FRMD5: variants seen among roughly 807,000 people sequenced by gnomAD.
FRMD5 encodes the protein FERM domain containing 5.
In FRMD5, 20 loss-of-function variants were observed where a neutral mutation model predicts 69.0. That is an observed-to-expected ratio of 0.29 (90% CI 0.20 to 0.42). FRMD5 has a LOEUF of 0.42. FRMD5 is among the 10% of genes least tolerant of loss of function. The probability of loss-of-function intolerance (pLI) is 1.00; values close to 1 mark genes in which losing one functional copy is unlikely to be tolerated. For missense variants in FRMD5, 595 were observed against 708.6 expected (o/e 0.84, Z 1.82); for synonymous variants, 271 against 260.1 (o/e 1.04, Z -0.40).
rs548896184 is a variant in FRMD5 at position 44,093,823 on chromosome 15, C to T, written c.102+101130G>A. Among the ~76,000 whole-genome samples the T allele has an allele frequency of 1.8e-3, 269 of 152,084 alleles. 1 individual carries two copies. Among genetic ancestry groups the T allele is most frequent in the South Asian group, 0.012 (60 of 4,820 alleles). ...TCCTAATGTTGTGATCCGCCTGTCT[C>T]GGCCTCCCAAAGTGCTGGGATTACA... On this transcript the variant is annotated intron_variant, in intron 1 of 13. Transcript: ENST00000417257.
At chr15:43,952,993 C>T (rs1295713564) in intron 1 of FRMD5, among the ~76,000 whole-genome samples, 2 of 152,176 alleles carry the variant, frequency 1.3e-5, no homozygotes, top group African/African-American at 2.4e-5. Flanking sequence ...GCTGAAGAAC[C>T]CCAGAAGCCA....
At chr15:44,087,684 A>C (rs879369582) in intron 1 of FRMD5, among the ~76,000 whole-genome samples, 10 of 152,114 alleles carry the variant, frequency 6.6e-5, no homozygotes, top group Admixed American at 2.0e-4. Flanking sequence ...ATTTATTTTA[A>C]ATGCTTAGAA....
intron 1 of FRMD5, among the ~76,000 whole-genome samples, chr15:44,007,892 C>G (rs1241232839): frequency 6.6e-6 from 1 of 151,914 alleles, no homozygotes; most frequent in Admixed American, 6.6e-5. Context: ...GATCCACCCG[C>G]CTTGGCCTCC....
chr15:44,109,122 T>C (rs2076761988), intron 1 of FRMD5, among the ~76,000 whole-genome samples: 1 of 152,142 alleles, frequency 6.6e-6, no homozygotes, highest in Non-Finnish European at 1.5e-5. Context: ...ATTATTGCTG[T>C]CTTCTATTAT....
chr15:44,097,366 C>G (rs151141547), intron 1 of FRMD5, among the ~76,000 whole-genome samples: 16 of 152,318 alleles, frequency 1.1e-4, no homozygotes, highest in African/African-American at 3.8e-4. Flanking sequence ...AAACTGTGCT[C>G]TTGGGAGACT....
At chr15:44,007,872 G>A (rs998990892) in intron 1 of FRMD5, among the ~76,000 whole-genome samples, 7 of 151,780 alleles carry the variant, frequency 4.6e-5, no homozygotes, top group African/African-American at 1.2e-4. Flanking sequence ...TGGAATTCCC[G>A]ACCTCAGGTG....
chr15:44,169,160 CA>C (rs535129762), intron 1 of FRMD5, among the ~76,000 whole-genome samples: 86 of 152,292 alleles, frequency 5.6e-4, no homozygotes, highest in African/African-American at 2.1e-3. Flanking sequence ...TTACTCTATT[CA>C]CCTCCCCAAT....
Position 44,012,853 on chromosome 15 carries a change from G to C in FRMD5, c.103-88544C>G, listed in dbSNP as rs181342363. ...ACAATCTCGGCTCACTGCAACCTCT[G>C]CTTCCCCGGTTCAAGGGATTCTCCT... On this transcript the variant is annotated intron_variant, in intron 1 of 13. Coordinates refer to ENST00000417257, the MANE Select transcript of FRMD5 (RefSeq NM_032892.5). Among the ~76,000 whole-genome samples, 314 of 142,158 alleles carry C rather than the reference G, an allele frequency of 2.2e-3. 2 individuals carry two copies. Among genetic ancestry groups the C allele is most frequent in the African/African-American group, 7.9e-3 (298 of 37,924 alleles). 93.3% of individuals were successfully genotyped at this position (142,158 alleles called of 152,430 possible).
intron 1 of FRMD5, among the ~76,000 whole-genome samples, chr15:44,060,870 T>C (rs1005390518): frequency 2.6e-5 from 4 of 152,216 alleles, no homozygotes; most frequent in African/African-American, 9.6e-5. Context: ...CAGGCCCCTG[T>C]GTGCAAACAT....
At chr15:44,106,654 T>C (rs1028291961) in intron 1 of FRMD5, among the ~76,000 whole-genome samples, 1 of 152,156 alleles carries the variant, frequency 6.6e-6, no homozygotes, top group Non-Finnish European at 1.5e-5. Context: ...TTAAGTATAC[T>C]TCCCTCTGGA....
At chr15:44,002,704 T>C (rs1359065438) in intron 1 of FRMD5, among the ~76,000 whole-genome samples, 3 of 152,174 alleles carry the variant, frequency 2.0e-5, no homozygotes, top group African/African-American at 4.8e-5. Context: ...CTGGAATCTA[T>C]AGATAACATA....
intron 1 of FRMD5, among the ~76,000 whole-genome samples, chr15:44,158,401 C>A (rs2077559882): frequency 6.6e-6 from 1 of 152,122 alleles, no homozygotes; most frequent in African/African-American, 2.4e-5. Flanking sequence ...TATCCAATAG[C>A]ACCAAAATAA....
chr15:44,055,258 C>G (rs913793232), intron 1 of FRMD5, among the ~76,000 whole-genome samples: 9 of 151,926 alleles, frequency 5.9e-5, no homozygotes, highest in African/African-American at 2.2e-4. Context: ...TTACTTGGCC[C>G]AGGATTAATG....
intron 10 of FRMD5, 49 bp from the exon 11 acceptor site, chr15:43,885,804 A>G (rs1308095067): frequency 7.0e-7 from 1 of 1,436,134 alleles, no homozygotes; most frequent in Admixed American, 1.7e-5. Flanking sequence ...ACTGCCTCAC[A>G]CAGGTTAAGG....
intron 1 of FRMD5, among the ~76,000 whole-genome samples, chr15:43,974,107 G>A (rs550528803): frequency 2.0e-5 from 3 of 151,830 alleles, no homozygotes; most frequent in African/African-American, 7.3e-5. Context: ...TTTCAATGCA[G>A]AGTGCTAAGT....
At chr15:43,963,184 T>C (rs1161148593) in intron 1 of FRMD5, among the ~76,000 whole-genome samples, 1 of 152,182 alleles carries the variant, frequency 6.6e-6, no homozygotes, top group Non-Finnish European at 1.5e-5. Context: ...ATCCAGAATC[T>C]ACAATGAACT....
intron 13 of FRMD5, among the ~76,000 whole-genome samples, chr15:43,878,654 A>T (rs999886311): frequency 6.6e-6 from 1 of 152,210 alleles, no homozygotes. Flanking sequence ...CTCCTTTCCC[A>T]GGCAGTCCTC....
intron 1 of FRMD5, among the ~76,000 whole-genome samples, chr15:43,955,320 C>T (rs981299239): frequency 9.9e-5 from 15 of 152,216 alleles, no homozygotes; most frequent in Admixed American, 1.3e-4. Context: ...AGGGAACAGT[C>T]TTCTCCAGTG....
At chr15:43,965,045 C>T (rs1252200270) in intron 1 of FRMD5, among the ~76,000 whole-genome samples, 1 of 152,166 alleles carries the variant, frequency 6.6e-6, no homozygotes, top group African/African-American at 2.4e-5. Flanking sequence ...TGAGGGAACT[C>T]ACCTAGTATG....
Sources: gnomAD v4.1 joint callset for allele counts (sites outside exome capture counted in the v4.1 genomes callset) on GRCh38, gnomAD v4.1.1 for gene constraint, MANE v1.5 for transcripts, NCBI Gene and HGNC (gene_info 2026-07-23, HGNC 2026-07-21) for gene names.